PIK3C2G: variants seen among roughly 807,000 people sequenced by gnomAD.
PIK3C2G encodes the protein phosphatidylinositol 3-kinase C2 domain-containing subunit gamma.
PIK3C2G carries 168 observed loss-of-function variants against 181.1 expected under a neutral mutation model. The observed-to-expected ratio is 0.93, with a 90% CI of 0.82 to 1.05. PIK3C2G has a LOEUF of 1.05. Ranked by LOEUF, PIK3C2G falls within the 50% of genes least tolerant of loss-of-function variation. The probability of loss-of-function intolerance (pLI) is 0.00; values close to 1 mark genes in which losing one functional copy is unlikely to be tolerated. For synonymous variants in PIK3C2G, 573 were observed against 592.2 expected, an observed-to-expected ratio of 0.97 and a Z score of 0.47; for missense variants, 1,869 against 1,732.8, an observed-to-expected ratio of 1.08 and a Z score of -1.40.
At chr12:18,480,433 G>A (rs1230224934) in intron 18 of PIK3C2G, among the ~76,000 whole-genome samples, 1 of 152,086 alleles carries the variant, frequency 6.6e-6, no homozygotes, top group Non-Finnish European at 1.5e-5. Context: ...CGTGTGAGTA[G>A]GCTGGAACAT....
At chr12:18,497,558 G>T in intron 21 of PIK3C2G, 61 bp from the exon 22 acceptor site, 1 of 1,396,306 alleles carries the variant, frequency 7.2e-7, no homozygotes, top group South Asian at 1.3e-5. Context: ...TACTGTATTT[G>T]ACTGCTTTTA....
intron 31 of PIK3C2G, 113 bp downstream of exon 31, chr12:18,609,742 TTAAG>T: frequency 1.6e-6 from 1 of 638,314 alleles, no homozygotes. Flanking sequence ...TCCGCCAAGT[TTAAG>T]TAAGAAACAA....
intron 18 of PIK3C2G, among the ~76,000 whole-genome samples, chr12:18,439,064 A>G (rs2135811572): frequency 6.6e-6 from 1 of 152,060 alleles, no homozygotes; most frequent in East Asian, 1.9e-4. Context: ...GACTCCTACC[A>G]TTGCATTGCT....
intron 13 of PIK3C2G, chr12:18,372,507 G>A (rs1205864267): frequency 6.6e-6 from 1 of 152,152 alleles, no homozygotes; most frequent in Non-Finnish European, 1.5e-5. Context: ...GATATGATTT[G>A]TATGCTAAGA....
At chr12:18,611,986 A>T (rs561347583) in intron 31 of PIK3C2G, among the ~76,000 whole-genome samples, 13 of 152,140 alleles carry the variant, frequency 8.5e-5, no homozygotes, top group African/African-American at 2.9e-4. Context: ...TCCTCTCTTC[A>T]TATCCCTTTG....
At chr12:18,322,070 C>A (rs1565596250) in intron 7 of PIK3C2G, among the ~76,000 whole-genome samples, 1 of 152,190 alleles carries the variant, frequency 6.6e-6, no homozygotes, top group African/African-American at 2.4e-5. Flanking sequence ...ACATCCTGCA[C>A]ACGTTTCCCA....
chr12:18,700,512 C>CAAAAAAAAAAAAAA, the PIK3C2G span, among the ~76,000 whole-genome samples: 14 of 67,886 alleles, frequency 2.1e-4, 1 homozygote, highest in Admixed American at 5.0e-4. Context: ...AGCCAACGTA[C>CAAAAAAAAAAAAAA]AAAAAAAAAA....
chr12:18,318,320 A>G (rs570069998), intron 6 of PIK3C2G, among the ~76,000 whole-genome samples: 1 of 152,160 alleles, frequency 6.6e-6, no homozygotes, highest in Admixed American at 6.6e-5. Flanking sequence ...TCTAAGATGT[A>G]TATGATTTAT....
At chr12:18,642,433 A>T (rs1219246802) in intron 32 of PIK3C2G, among the ~76,000 whole-genome samples, 1 of 152,092 alleles carries the variant, frequency 6.6e-6, no homozygotes, top group African/African-American at 2.4e-5. Context: ...TTGTGTTCTT[A>T]TACTCTTTTT....
At chr12:18,423,157 G>A (rs1945587921) in intron 17 of PIK3C2G, among the ~76,000 whole-genome samples, 1 of 151,860 alleles carries the variant, frequency 6.6e-6, no homozygotes, top group Non-Finnish European at 1.5e-5. Flanking sequence ...GTGTGTGTGT[G>A]TGTGTGTGTG....
At chr12:18,622,025 A>G (rs1948886590) in intron 31 of PIK3C2G, among the ~76,000 whole-genome samples, 1 of 151,956 alleles carries the variant, frequency 6.6e-6, no homozygotes, top group Non-Finnish European at 1.5e-5. Context: ...AATTAAGCTA[A>G]TTAACATATA....
At chr12:18,416,251 AAAAAGAAAAG>A (rs151162608) in intron 16 of PIK3C2G, among the ~76,000 whole-genome samples, 1 of 151,462 alleles carries the variant, frequency 6.6e-6, no homozygotes, top group Admixed American at 6.6e-5. Context: ...TCTCAAAAAG[AAAAAGAAAAG>A]AAAAGAAAAG....
At chr12:18,385,632 G>A (rs1030087834) in intron 14 of PIK3C2G, among the ~76,000 whole-genome samples, 3 of 151,956 alleles carry the variant, frequency 2.0e-5, no homozygotes, top group Admixed American at 6.5e-5. Context: ...GCAGTGGCGC[G>A]ATCTCGGCTC....
intron 29 of PIK3C2G, among the ~76,000 whole-genome samples, chr12:18,591,033 A>T (rs550905261): frequency 1.3e-5 from 2 of 152,110 alleles, no homozygotes; most frequent in Non-Finnish European, 2.9e-5. Flanking sequence ...GTAATTGACT[A>T]GTTGTCAAAA....
chr12:18,267,520 A>G (rs1414648841), intron 1 of PIK3C2G, among the ~76,000 whole-genome samples: 1 of 152,126 alleles, frequency 6.6e-6, no homozygotes, highest in African/African-American at 2.4e-5. Context: ...ATTTTTCCCA[A>G]TTACTCGTCC....
intron 29 of PIK3C2G, among the ~76,000 whole-genome samples, chr12:18,569,154 C>T (rs1945794538): frequency 6.6e-6 from 1 of 152,102 alleles, no homozygotes; most frequent in African/African-American, 2.4e-5. Flanking sequence ...AAATGCCACG[C>T]ACCTTCTAAC....
At chr12:18,587,255 G>A (rs888510438) in intron 29 of PIK3C2G, among the ~76,000 whole-genome samples, 2 of 152,118 alleles carry the variant, frequency 1.3e-5, no homozygotes, top group East Asian at 3.8e-4. Context: ...TAGGAAGATA[G>A]GAAGTCAAGC....
chr12:18,427,371 G>A (rs565373189), intron 18 of PIK3C2G, among the ~76,000 whole-genome samples: 1 of 151,230 alleles, frequency 6.6e-6, no homozygotes, highest in Non-Finnish European at 1.5e-5. Context: ...GCCGGGCCTG[G>A]TGGCGGGCGC....
At chr12:18,696,747 G>A in the PIK3C2G span, among the ~76,000 whole-genome samples, 1 of 152,046 alleles carries the variant, frequency 6.6e-6, no homozygotes, top group African/African-American at 2.4e-5. Context: ...ACATTTCACA[G>A]GTTCTCAGGG....
Sources: gnomAD v4.1 joint callset for allele counts (sites outside exome capture counted in the v4.1 genomes callset) on GRCh38, gnomAD v4.1.1 for gene constraint, MANE v1.5 for transcripts, NCBI Gene and HGNC (gene_info 2026-07-23, HGNC 2026-07-21) for gene names.